The following STRIP2 variants were observed in gnomAD, a reference collection of about 807,000 sequenced individuals.
STRIP2 encodes the protein striatin interacting protein 2.
Under a neutral mutation model 107.1 loss-of-function variants are expected in STRIP2, and 84 were observed. That is an observed-to-expected ratio of 0.78 (90% CI 0.66 to 0.94). The LOEUF (loss-of-function observed/expected upper bound fraction) is 0.94, where lower values mean the gene tolerates loss of function less well. STRIP2 is among the 40% of genes least tolerant of loss of function. The probability of loss-of-function intolerance (pLI) is 0.00; values close to 1 mark genes in which losing one functional copy is unlikely to be tolerated. For missense variants in STRIP2, 888 were observed against 1,034.2 expected (o/e 0.86, Z 1.94); for synonymous variants, 394 against 400.4 (o/e 0.98, Z 0.19).
intron 1 of STRIP2, among the ~76,000 whole-genome samples, chr7:129,437,508 T>C (rs1797773482): frequency 6.6e-6 from 1 of 152,074 alleles, no homozygotes; most frequent in Non-Finnish European, 1.5e-5. Context: ...AAATATTTTG[T>C]TAAACTTTTG....
chr7:129,487,445 G>C lies in STRIP2; in HGVS notation c.*1616G>C, dbSNP rs776886122. The C allele has an allele frequency of 1.3e-5, 2 of 151,974 alleles. No homozygotes were observed. Among genetic ancestry groups the C allele is most frequent in the African/African-American group, 2.4e-5 (1 of 41,340 alleles). 9.4% of individuals were successfully genotyped at this position (151,974 alleles called of 1,614,324 possible). Reference sequence around the variant, plus strand: ...AATTTGCTTATTTACTCTGCCCCTCGTCAACCACAGTATCATTTCAAGGAC... The same window carrying C: ...AATTTGCTTATTTACTCTGCCCCTCCTCAACCACAGTATCATTTCAAGGAC... On this transcript the variant is annotated 3_prime_UTR_variant, in exon 21 of 21. Coordinates refer to ENST00000249344, the MANE Select transcript of STRIP2 (RefSeq NM_020704.3).
At chr7:129,477,036 G>A (rs919652751) in intron 18 of STRIP2, among the ~76,000 whole-genome samples, 3 of 151,476 alleles carry the variant, frequency 2.0e-5, no homozygotes, top group African/African-American at 7.3e-5. Flanking sequence ...CCAGTCAGGC[G>A]TGGCGGCGCG....
At chr7:129,457,009 T>C (rs150104768) in intron 9 of STRIP2, among the ~76,000 whole-genome samples, 1 of 152,192 alleles carries the variant, frequency 6.6e-6, no homozygotes, top group African/African-American at 2.4e-5. Flanking sequence ...TCCATTTTTC[T>C]GGGGTAAGGC....
intron 13 of STRIP2, among the ~76,000 whole-genome samples, chr7:129,462,575 C>T (rs1176096589): frequency 6.6e-6 from 1 of 152,226 alleles, no homozygotes; most frequent in Non-Finnish European, 1.5e-5. Flanking sequence ...AATATTCCTT[C>T]CTGTTTCTCC....
chr7:129,476,857 C>T (rs1317820085), intron 18 of STRIP2, among the ~76,000 whole-genome samples: 1 of 151,968 alleles, frequency 6.6e-6, no homozygotes, highest in Non-Finnish European at 1.5e-5. Context: ...TAGCCGAGAT[C>T]ACGCCACTGC....
chr7:129,435,947 G>A (rs1797726854), intron 1 of STRIP2, among the ~76,000 whole-genome samples: 1 of 151,854 alleles, frequency 6.6e-6, no homozygotes. Flanking sequence ...TTTTTTTCAA[G>A]GTAGAAATGG....
chr7:129,485,508 G>T, intron 20 of STRIP2, 71 bp from the exon 21 acceptor site: 21 of 1,490,864 alleles, frequency 1.4e-5, no homozygotes, highest in Non-Finnish European at 1.8e-5. Context: ...GAATCCCATA[G>T]ACCATGCTCT....
In STRIP2 at chr7:129,458,020, C is replaced by T; in HGVS notation, c.1039-195C>T. 1.6e-6 allele frequency: 1 copy of T among 632,292 alleles called. No individual in the cohort carries two copies. Among genetic ancestry groups the T allele is most frequent in the East Asian group, 2.8e-5 (1 of 35,376 alleles). The allele number at this position is 632,292 out of a possible 1,614,324, so 39.2% of individuals were successfully genotyped here. A position where few individuals can be genotyped will look rare whatever the true frequency, so the allele number is the denominator to read the frequency against. On this transcript the variant is annotated intron_variant, in intron 9 of 20. Coordinates refer to ENST00000249344, the MANE Select transcript of STRIP2 (RefSeq NM_020704.3). This position sits in a 1 kb window ranked among gnomAD's most constrained non-coding sequence, Gnocchi z 4.6. The stretch of plus-strand genomic sequence containing the variant: ...TGTTCCCTGGCTAATGGCAGGGTTA[C>T]CTGAGAACTTCTTGTCCTGTTATTG...
rs1300465868 is a variant in STRIP2, at chr7:129,434,451, A to AGG, written c.-19_-18dup. ...CTCCGGCAAAGCGAGCTGAACCCTG[A>AGG]GGGGAGCCGCTGACCAGCAGCATGG... On this transcript the variant is annotated 5_prime_UTR_variant, in exon 1 of 21. Transcript: ENST00000249344. 9 of 1,492,582 alleles carry AGG rather than the reference A, an allele frequency of 6.0e-6. No homozygotes were observed. Among genetic ancestry groups the AGG allele is most frequent in the Non-Finnish European group, 8.9e-7 (1 of 1,127,774 alleles). 92.5% of individuals were successfully genotyped at this position (1,492,582 alleles called of 1,614,324 possible).
intron 3 of STRIP2, among the ~76,000 whole-genome samples, chr7:129,446,807 A>C (rs1482498093): frequency 6.6e-6 from 1 of 152,060 alleles, no homozygotes; most frequent in East Asian, 1.9e-4. Flanking sequence ...CGTATATACC[A>C]CTTCCATTTG....
At chr7:129,452,722 C>T (rs1798229718) in intron 4 of STRIP2, among the ~76,000 whole-genome samples, 1 of 152,222 alleles carries the variant, frequency 6.6e-6, no homozygotes, top group Non-Finnish European at 1.5e-5. Flanking sequence ...CCATACAGGG[C>T]ATCCAGGAAG....
At chr7:129,464,880 C>T (rs1014012715) in intron 16 of STRIP2, 142 bp downstream of exon 16, 8 of 1,095,368 alleles carry the variant, frequency 7.3e-6, no homozygotes, top group Non-Finnish European at 1.1e-5. Flanking sequence ...TCCAGCCACC[C>T]ATTGCATGAG....
In STRIP2 at chr7:129,470,680, A is replaced by C; in HGVS notation, c.1909A>C (p.Ile637Leu). 6.2e-7 allele frequency: 1 copy of C among 1,614,030 alleles called. No homozygotes were observed. The highest frequency in any genetic ancestry group is 2.2e-5 in the East Asian group (1 of 44,882). Residue 637 changes from isoleucine (I) to leucine (L), a missense_variant, in exon 18 of 21, where the codon ATC (isoleucine) becomes CTC (leucine). By Grantham distance (5) the Ile-to-Leu change is conservative (BLOSUM62 2). Coordinates refer to ENST00000249344, the MANE Select transcript of STRIP2 (RefSeq NM_020704.3). Reference sequence around the variant, plus strand: ...AGTCCTGGATTATCCTTGCTGTACCATCCAGGATTTGCCGGAGCTTACTAC... The same window carrying C: ...AGTCCTGGATTATCCTTGCTGTACCCTCCAGGATTTGCCGGAGCTTACTAC... ...ISVLDYPCCT[I>L]QDLPELTTES...
At chr7:129,436,728 T>C (rs1220018631) in intron 1 of STRIP2, among the ~76,000 whole-genome samples, 2 of 152,218 alleles carry the variant, frequency 1.3e-5, no homozygotes, top group South Asian at 2.1e-4. Context: ...TTTTTTCCTC[T>C]CTAGGGCTTT....
At chr7:129,455,461 C>A in intron 8 of STRIP2, 90 bp downstream of exon 8, 1 of 1,498,488 alleles carries the variant, frequency 6.7e-7, no homozygotes, top group Non-Finnish European at 8.9e-7. Context: ...GAGGCTGGAT[C>A]CAGGGAGCAG....
Position 129,485,924 on chromosome 7 carries a change from G to C in STRIP2, c.*95G>C. 2.1e-6 allele frequency: 3 copies of C among 1,399,706 alleles called. No homozygotes were observed. The Admixed American group carries it at 5.5e-5, about 26-fold the overall frequency. The allele number at this position is 1,399,706 out of a possible 1,614,324, so 86.7% of individuals were successfully genotyped here. A position where few individuals can be genotyped will look rare whatever the true frequency, so the allele number is the denominator to read the frequency against. ...CCATACAGGCGCTGTTACCAGTTCA[G>C]GGCTCTTCTGGGGGCTCTTGGGCCT... On this transcript the variant is annotated 3_prime_UTR_variant, in exon 21 of 21. Transcript: ENST00000249344.
At chr7:129,459,017 A>C (rs1016202600) in intron 11 of STRIP2, among the ~76,000 whole-genome samples, 1 of 152,152 alleles carries the variant, frequency 6.6e-6, no homozygotes, top group Non-Finnish European at 1.5e-5. Context: ...TTTGAGCAAC[A>C]AGTCATTTCT....
intron 5 of STRIP2, 98 bp downstream of exon 5, chr7:129,453,445 G>A (rs534903555): frequency 6.8e-7 from 1 of 1,473,880 alleles, no homozygotes; most frequent in South Asian, 1.3e-5. Flanking sequence ...GACCCCCTGT[G>A]AGGAACTGGG....
intron 16 of STRIP2, 140 bp downstream of exon 16, chr7:129,464,878 C>T (rs1798633679): frequency 1.8e-6 from 2 of 1,111,596 alleles, no homozygotes; most frequent in Non-Finnish European, 2.6e-6. Flanking sequence ...AATCCAGCCA[C>T]CCATTGCATG....
Sources: allele counts gnomAD v4.1 joint callset (sites outside exome capture counted in the v4.1 genomes callset), GRCh38; gene constraint gnomAD v4.1.1; non-coding constraint Gnocchi (gnomAD v3.1); transcripts MANE v1.5; gene names NCBI Gene and HGNC (gene_info 2026-07-23, HGNC 2026-07-21).